The following PAPSS1 variants were observed in gnomAD, a reference collection of about 807,000 sequenced individuals.
The protein encoded by PAPSS1 is 3'-phosphoadenosine 5'-phosphosulfate synthase 1, also known as bifunctional 3'-phosphoadenosine 5'-phosphosulfate synthase 1.
Under a neutral mutation model 72.0 loss-of-function variants are expected in PAPSS1, and 50 were observed. The ratio of observed to expected loss-of-function variants is 0.69; its 90% CI spans 0.55 to 0.88. PAPSS1 has a LOEUF of 0.88. Among genes scored for constraint, PAPSS1 ranks in the 40% least tolerant of loss-of-function variants. The pLI is 0.00. For missense variants in PAPSS1, 657 were observed against 782.2 expected (o/e 0.84, Z 1.91); for synonymous variants, 261 against 263.6 (o/e 0.99, Z 0.09).
intron 10 of PAPSS1, 76 bp from the exon 11 acceptor site, chr4:107,631,936 G>T: frequency 1.2e-6 from 1 of 816,264 alleles, no homozygotes; most frequent in Non-Finnish European, 1.9e-6. Context: ...GATAATAAAT[G>T]CATATGCTTT....
intron 2 of PAPSS1, among the ~76,000 whole-genome samples, chr4:107,700,688 C>T (rs1273948837): frequency 6.6e-6 from 1 of 152,166 alleles, no homozygotes; most frequent in African/African-American, 2.4e-5. Flanking sequence ...ATCTTTTGCT[C>T]TTTCTCAGCA....
At chr4:107,651,268 A>T in intron 9 of PAPSS1, among the ~76,000 whole-genome samples, 1 of 152,228 alleles carries the variant, frequency 6.6e-6, no homozygotes, top group African/African-American at 2.4e-5. Flanking sequence ...AGCACTGAAG[A>T]GTGGGTGGCC....
chr4:107,710,677 C>G (rs1723465911), intron 1 of PAPSS1, among the ~76,000 whole-genome samples: 1 of 152,182 alleles, frequency 6.6e-6, no homozygotes, highest in African/African-American at 2.4e-5. Flanking sequence ...CCAGCAGCTC[C>G]CACACATAGC....
chr4:107,622,085 T>G (rs1172453665), intron 11 of PAPSS1, among the ~76,000 whole-genome samples: 3 of 152,196 alleles, frequency 2.0e-5, no homozygotes, highest in Admixed American at 2.0e-4. Flanking sequence ...CTTTTTACTT[T>G]TTCTCTGGTA....
intron 10 of PAPSS1, among the ~76,000 whole-genome samples, chr4:107,638,519 C>A (rs1726447832): frequency 6.6e-6 from 1 of 152,102 alleles, no homozygotes; most frequent in South Asian, 2.1e-4. Context: ...GACCCCAGAC[C>A]CCTAGTCAGG....
intron 9 of PAPSS1, among the ~76,000 whole-genome samples, chr4:107,647,367 G>T (rs1726722850): frequency 6.6e-6 from 1 of 152,164 alleles, no homozygotes; most frequent in Non-Finnish European, 1.5e-5. Context: ...TGCTGGACTG[G>T]ATTCATTGAT....
At chr4:107,662,509 G>T (rs998750393) in intron 5 of PAPSS1, among the ~76,000 whole-genome samples, 4 of 151,684 alleles carry the variant, frequency 2.6e-5, no homozygotes, top group African/African-American at 7.3e-5. Flanking sequence ...CACTAAAGAG[G>T]GCATATCTTA....
intron 1 of PAPSS1, 135 bp from the exon 2 acceptor site, chr4:107,701,420 CTTAGAGT>C: frequency 1.8e-6 from 1 of 570,964 alleles, no homozygotes; most frequent in East Asian, 2.9e-5. Flanking sequence ...TTTTTTTTTC[CTTAGAGT>C]ACTGGCATGG....
chr4:107,675,099 C>T (rs917003552), intron 5 of PAPSS1, among the ~76,000 whole-genome samples: 3 of 152,052 alleles, frequency 2.0e-5, no homozygotes, highest in African/African-American at 4.8e-5. Context: ...CTAAAATGGA[C>T]ACCCTAACAT....
intron 5 of PAPSS1, among the ~76,000 whole-genome samples, chr4:107,677,137 T>C (rs1245181909): frequency 5.9e-5 from 9 of 152,196 alleles, no homozygotes; most frequent in Non-Finnish European, 1.0e-4. Flanking sequence ...AAGGACTTCA[T>C]ATCTAAAACA....
At chr4:107,614,512 G>A (rs1165113057) in intron 11 of PAPSS1, 125 bp from the exon 12 acceptor site, 3 of 639,778 alleles carry the variant, frequency 4.7e-6, no homozygotes, top group Non-Finnish European at 7.6e-6. Flanking sequence ...CATAGTACTT[G>A]TGAATATAAA....
At position 107,677,876 on chromosome 4, in the gene PAPSS1, G is replaced by C. The variant is rs150555693; in HGVS notation, c.669+4139C>G. 2.6e-3 allele frequency among the ~76,000 whole-genome samples: 399 copies of C among 152,302 alleles called. 1 individual carries two copies. The highest frequency in any genetic ancestry group is 9.0e-3 in the African/African-American group (375 of 41,564). Reference sequence around the variant, plus strand: ...CAGTCATAAAAGATGATGAGTTCATGTCCTTTGTAGGGACATGGATGAAGC... The same window carrying C: ...CAGTCATAAAAGATGATGAGTTCATCTCCTTTGTAGGGACATGGATGAAGC... On this transcript the variant is annotated intron_variant, in intron 5 of 11. Coordinates refer to ENST00000265174, the MANE Select transcript of PAPSS1 (RefSeq NM_005443.5).
intron 2 of PAPSS1, among the ~76,000 whole-genome samples, chr4:107,697,343 C>T (rs1723095696): frequency 6.6e-6 from 1 of 152,182 alleles, no homozygotes; most frequent in Non-Finnish European, 1.5e-5. Context: ...TTTTACAACA[C>T]TGGGTTTTAG....
At chr4:107,618,465 T>C (rs531011512) in intron 11 of PAPSS1, among the ~76,000 whole-genome samples, 1 of 148,600 alleles carries the variant, frequency 6.7e-6, no homozygotes, top group South Asian at 2.1e-4. Context: ...GGGAGGAGGA[T>C]GAGTGCCAGG....
chr4:107,661,023 A>C (rs1421880659), intron 5 of PAPSS1, among the ~76,000 whole-genome samples: 3 of 152,180 alleles, frequency 2.0e-5, no homozygotes, highest in Non-Finnish European at 4.4e-5. Flanking sequence ...AAGAAAATGA[A>C]CCCAATTTTA....
intron 5 of PAPSS1, among the ~76,000 whole-genome samples, chr4:107,666,100 C>T (rs72883581): frequency 0.04 from 6,055 of 152,182 alleles, 380 homozygotes; most frequent in African/African-American, 0.14. Context: ...AACGACATTC[C>T]GGCAACACTT....
chr4:107,690,856 G>A lies in PAPSS1; in HGVS notation c.411+2915C>T, dbSNP rs1722899247. 2.0e-5 allele frequency among the ~76,000 whole-genome samples: 3 copies of A among 152,020 alleles called. No individual in the cohort carries two copies. The South Asian group carries it at 6.2e-4, about 32-fold the overall frequency. On this transcript the variant is annotated intron_variant, in intron 3 of 11. Transcript: ENST00000265174. ...TCAGCACACACTCTTAGATACCCAGGTGTCGGCTGATAGCTCTCCATAACA... is the reference window on the plus strand; with the variant it reads ...TCAGCACACACTCTTAGATACCCAGATGTCGGCTGATAGCTCTCCATAACA...
chr4:107,659,876 A>C (rs962312479), intron 6 of PAPSS1, 83 bp downstream of exon 6: 4 of 733,770 alleles, frequency 5.5e-6, no homozygotes, highest in Admixed American at 5.8e-5. Flanking sequence ...CCCTGGCCTC[A>C]AATACTGCTA....
intron 5 of PAPSS1, among the ~76,000 whole-genome samples, chr4:107,660,672 T>C (rs981550650): frequency 1.3e-5 from 2 of 152,204 alleles, no homozygotes; most frequent in Non-Finnish European, 2.9e-5. Context: ...TACAAGTACA[T>C]ATTTGTGATA....
Sources: allele counts gnomAD v4.1 joint callset (sites outside exome capture counted in the v4.1 genomes callset), GRCh38; gene constraint gnomAD v4.1.1; transcripts MANE v1.5; gene names NCBI Gene and HGNC (gene_info 2026-07-23, HGNC 2026-07-21).